The following SLC9A9 variants were observed in gnomAD, a reference collection of about 807,000 sequenced individuals.
SLC9A9 encodes sodium/hydrogen exchanger 9.
In SLC9A9, 62 loss-of-function variants were observed where a neutral mutation model predicts 77.8. The observed-to-expected ratio is 0.80, with a 90% CI of 0.65 to 0.98. The LOEUF is 0.98. Ranked by LOEUF, SLC9A9 falls within the 50% of genes least tolerant of loss-of-function variation. The probability of loss-of-function intolerance (pLI) is 0.00; values close to 1 mark genes in which losing one functional copy is unlikely to be tolerated. For missense variants in SLC9A9, 775 were observed against 774.9 expected (o/e 1.00, Z 0.00); for synonymous variants, 320 against 283.5 (o/e 1.13, Z -1.29).
chr3:143,316,377 CA>C (rs796823440), intron 14 of SLC9A9, among the ~76,000 whole-genome samples: 13 of 152,280 alleles, frequency 8.5e-5, no homozygotes, highest in African/African-American at 3.1e-4. Flanking sequence ...AGTAAACAGG[CA>C]GCTTCGATTT....
intron 9 of SLC9A9, among the ~76,000 whole-genome samples, chr3:143,532,397 G>A (rs763057251): frequency 3.3e-5 from 5 of 152,128 alleles, no homozygotes; most frequent in Non-Finnish European, 7.4e-5. Context: ...TTCTAGAAGT[G>A]TAAAGAGGTC....
chr3:143,360,564 A>G (rs2032722503), intron 14 of SLC9A9, among the ~76,000 whole-genome samples: 1 of 152,224 alleles, frequency 6.6e-6, no homozygotes, highest in Non-Finnish European at 1.5e-5. Flanking sequence ...AGCACTGAAC[A>G]CAGTGCTTGG....
intron 4 of SLC9A9, among the ~76,000 whole-genome samples, chr3:143,706,034 C>T (rs1293242098): frequency 6.6e-6 from 1 of 152,172 alleles, no homozygotes; most frequent in Non-Finnish European, 1.5e-5. Flanking sequence ...GAGAGGAACA[C>T]AGCGTATTTA....
At chr3:143,276,868 A>G (rs1938066349) in intron 14 of SLC9A9, among the ~76,000 whole-genome samples, 1 of 152,104 alleles carries the variant, frequency 6.6e-6, no homozygotes, top group Non-Finnish European at 1.5e-5. Context: ...ATGCCTTGAA[A>G]CCCATCCATA....
At chr3:143,322,644 T>G (rs1290754193) in intron 14 of SLC9A9, among the ~76,000 whole-genome samples, 1 of 152,236 alleles carries the variant, frequency 6.6e-6, no homozygotes, top group African/African-American at 2.4e-5. Context: ...ACCTTTGAAC[T>G]AGTTCTTCCT....
At chr3:143,731,169 G>GC (rs1208242312) in intron 4 of SLC9A9, among the ~76,000 whole-genome samples, 1 of 152,122 alleles carries the variant, frequency 6.6e-6, no homozygotes, top group African/African-American at 2.4e-5. Flanking sequence ...TCACTCTCTG[G>GC]CAAGGGACCA....
At position 143,537,263 on chromosome 3, in the gene SLC9A9, G is replaced by T. The variant is rs1576561559; in HGVS notation, c.1089+15099C>A. The stretch of plus-strand genomic sequence containing the variant: ...ATAAATTAGAAATCCTGGGCATGGA[G>T]CCCGGGTATCTGGGACTTGTAAAAA... On this transcript the variant is annotated intron_variant, in intron 9 of 15. Transcript: ENST00000316549. Among the ~76,000 whole-genome samples, 3 of 152,362 alleles carry T rather than the reference G, an allele frequency of 2.0e-5. No homozygotes were observed. In the South Asian group the frequency reaches 6.2e-4, roughly 32 times the overall value.
Position 143,456,785 on chromosome 3 carries a change from G to A in SLC9A9, c.1469+10252C>T, listed in dbSNP as rs1283360366. On this transcript the variant is annotated intron_variant, in intron 12 of 15. Coordinates refer to ENST00000316549, the MANE Select transcript of SLC9A9 (RefSeq NM_173653.4). The stretch of plus-strand genomic sequence containing the variant: ...TCACCATCTTGGCCAGGCTGGTCTC[G>A]AACTCCTGACCTCATGATCCATCCA... Among the ~76,000 whole-genome samples, 4 of 151,906 alleles carry A rather than the reference G, an allele frequency of 2.6e-5. No homozygotes were observed. In the East Asian group the frequency reaches 5.8e-4, roughly 22 times the overall value.
intron 9 of SLC9A9, chr3:143,503,452 C>G (rs6768475): frequency 0.26 from 92,078 of 348,610 alleles, 14,362 homozygotes; most frequent in Non-Finnish European, 0.34. Flanking sequence ...GCTCACGATG[C>G]CCAGGATGCC....
intron 14 of SLC9A9, among the ~76,000 whole-genome samples, chr3:143,357,744 C>T (rs1275281387): frequency 6.6e-6 from 1 of 152,084 alleles, no homozygotes; most frequent in Admixed American, 6.6e-5. Context: ...GGCTCAGTTG[C>T]CTCATTTATA....
chr3:143,378,589 A>G (rs982782786), intron 13 of SLC9A9, among the ~76,000 whole-genome samples: 2 of 152,230 alleles, frequency 1.3e-5, no homozygotes, highest in African/African-American at 4.8e-5. Flanking sequence ...CTTGAGTAGC[A>G]GGAGTTTTCT....
At chr3:143,488,002 T>A (rs1192160356) in intron 11 of SLC9A9, among the ~76,000 whole-genome samples, 2 of 151,612 alleles carry the variant, frequency 1.3e-5, no homozygotes, top group Admixed American at 1.3e-4. Context: ...CTAGATGGAC[T>A]AAGAAAAAAG....
chr3:143,563,108 G>T (rs1327440255), intron 8 of SLC9A9, among the ~76,000 whole-genome samples: 1 of 152,020 alleles, frequency 6.6e-6, no homozygotes, highest in African/African-American at 2.4e-5. Context: ...GTATCTAAAA[G>T]AACTGTTTTG....
intron 12 of SLC9A9, among the ~76,000 whole-genome samples, chr3:143,464,404 AGTGT>A (rs970510892): frequency 3.9e-5 from 6 of 152,250 alleles, no homozygotes; most frequent in African/African-American, 1.4e-4. Flanking sequence ...ACTGCAAGTT[AGTGT>A]GTATTTGTAT....
intron 11 of SLC9A9, among the ~76,000 whole-genome samples, chr3:143,478,593 C>T (rs2035521039): frequency 6.6e-6 from 1 of 152,188 alleles, no homozygotes; most frequent in African/African-American, 2.4e-5. Context: ...TTCTTAAATT[C>T]CTTAATGACC....
intron 2 of SLC9A9, among the ~76,000 whole-genome samples, chr3:143,807,351 A>G (rs1017649092): frequency 3.3e-5 from 5 of 152,244 alleles, no homozygotes; most frequent in Non-Finnish European, 5.9e-5. Flanking sequence ...TTTTTTACTC[A>G]GATTTCTGAA....
chr3:143,681,297 G>GA (rs1933081567), intron 5 of SLC9A9, among the ~76,000 whole-genome samples: 1 of 151,330 alleles, frequency 6.6e-6, no homozygotes, highest in East Asian at 1.9e-4. Flanking sequence ...TATTTAAACA[G>GA]TTTTTTTTTA....
At chr3:143,707,873 GAAC>G (rs1225825113) in intron 4 of SLC9A9, among the ~76,000 whole-genome samples, 6 of 152,038 alleles carry the variant, frequency 3.9e-5, no homozygotes, top group Non-Finnish European at 8.8e-5. Flanking sequence ...GAGACATTTA[GAAC>G]AAAGTTAAGT....
chr3:143,718,613 C>T (rs1454950404), intron 4 of SLC9A9, among the ~76,000 whole-genome samples: 3 of 152,214 alleles, frequency 2.0e-5, no homozygotes, highest in South Asian at 2.1e-4. Context: ...CCCCTTCCCA[C>T]GTAACAGCTG....
Sources: gnomAD v4.1 joint callset for allele counts (sites outside exome capture counted in the v4.1 genomes callset) on GRCh38, gnomAD v4.1.1 for gene constraint, MANE v1.5 for transcripts, NCBI Gene and HGNC (gene_info 2026-07-23, HGNC 2026-07-21) for gene names.